The following MAGI2 variants were observed in gnomAD, a reference collection of about 807,000 sequenced individuals.
MAGI2 encodes the protein membrane-associated guanylate kinase, WW and PDZ domain-containing protein 2.
MAGI2 carries 35 observed loss-of-function variants against 133.3 expected under a neutral mutation model. The ratio of observed to expected loss-of-function variants is 0.26; its 90% confidence interval spans 0.20 to 0.35. MAGI2 has a LOEUF of 0.35. Ranked by LOEUF, MAGI2 falls within the 10% of genes least tolerant of loss-of-function variation. The pLI is 1.00. For missense variants in MAGI2, 1,636 were observed against 1,863.4 expected, an observed-to-expected ratio of 0.88 and a Z score of 2.25; for synonymous variants, 729 against 710.6, an observed-to-expected ratio of 1.03 and a Z score of -0.41.
chr7:78,418,855 G>A (rs1798538791), intron 6 of MAGI2, among the ~76,000 whole-genome samples: 1 of 152,122 alleles, frequency 6.6e-6, no homozygotes, highest in Non-Finnish European at 1.5e-5. Flanking sequence ...AATGAAGGTA[G>A]TAGTAATAGT....
At chr7:79,154,884 GCAA>G (rs1562946538) in intron 1 of MAGI2, among the ~76,000 whole-genome samples, 1 of 152,112 alleles carries the variant, frequency 6.6e-6, no homozygotes, top group African/African-American at 2.4e-5. Flanking sequence ...AAACAAAACA[GCAA>G]CAACAACAAA....
At chr7:78,667,368 CTTTT>C (rs1204111914) in intron 2 of MAGI2, among the ~76,000 whole-genome samples, 8 of 142,368 alleles carry the variant, frequency 5.6e-5, no homozygotes, top group African/African-American at 1.5e-4. Flanking sequence ...TTTTGAGATT[CTTTT>C]TTTTTTAATT....
intron 2 of MAGI2, among the ~76,000 whole-genome samples, chr7:78,728,188 G>A (rs1370554181): frequency 1.3e-5 from 2 of 152,142 alleles, no homozygotes; most frequent in Non-Finnish European, 2.9e-5. Context: ...CGAGGTTATG[G>A]TAACAGTGGG....
chr7:79,041,914 A>C (rs1012130596), intron 1 of MAGI2, among the ~76,000 whole-genome samples: 7 of 152,262 alleles, frequency 4.6e-5, no homozygotes, highest in Admixed American at 4.6e-4. Context: ...AGAAAAACAC[A>C]TGGAAGAAGA....
intron 2 of MAGI2, among the ~76,000 whole-genome samples, chr7:78,966,685 C>G (rs1020083035): frequency 6.6e-6 from 1 of 152,030 alleles, no homozygotes; most frequent in African/African-American, 2.4e-5. Flanking sequence ...TTTTGGATAA[C>G]ACCCAGAAGT....
At chr7:78,416,960 C>T (rs6947591) in intron 6 of MAGI2, among the ~76,000 whole-genome samples, 87,500 of 151,936 alleles carry the variant, frequency 0.58, 25,490 homozygotes, top group East Asian at 0.71. Context: ...GCTTAAAAAC[C>T]ACATAGTCTG....
intron 2 of MAGI2, among the ~76,000 whole-genome samples, chr7:78,790,395 T>C (rs1827156229): frequency 6.6e-6 from 1 of 152,114 alleles, no homozygotes; most frequent in Admixed American, 6.5e-5. Context: ...TGAAAGAAGA[T>C]TTCTGTTGAA....
At chr7:79,123,819 C>T (rs992660004) in intron 1 of MAGI2, among the ~76,000 whole-genome samples, 7 of 149,544 alleles carry the variant, frequency 4.7e-5, no homozygotes, top group Non-Finnish European at 7.4e-5. Context: ...AGATAACGCA[C>T]ATCAAGTGCT....
At chr7:78,320,424 A>G (rs1213230777) in intron 9 of MAGI2, among the ~76,000 whole-genome samples, 1 of 152,182 alleles carries the variant, frequency 6.6e-6, no homozygotes, top group Non-Finnish European at 1.5e-5. Context: ...CTTATCCACC[A>G]TGATTAAGTC....
intron 1 of MAGI2, among the ~76,000 whole-genome samples, chr7:79,257,182 T>C (rs1563052705): frequency 1.3e-5 from 2 of 152,100 alleles, no homozygotes; most frequent in South Asian, 2.1e-4. Context: ...ATAATAATAG[T>C]CCCTTGCATT....
At chr7:78,631,476 C>G (rs1227966127) in intron 2 of MAGI2, among the ~76,000 whole-genome samples, 1 of 152,118 alleles carries the variant, frequency 6.6e-6, no homozygotes, top group East Asian at 1.9e-4. Flanking sequence ...CCAGGCTGAT[C>G]ACATTTCCTC....
chr7:78,849,860 C>G (rs1181686250), intron 2 of MAGI2, among the ~76,000 whole-genome samples: 1 of 151,790 alleles, frequency 6.6e-6, no homozygotes, highest in Admixed American at 6.6e-5. Context: ...AAAATTCTAC[C>G]TAAGTAAATT....
rs1554394140 is a variant in MAGI2, at chr7:79,171,743, A to AT, written c.302-164538_302-164537insA. Among the ~76,000 whole-genome samples, 51 of 29,574 alleles carry AT rather than the reference A, an allele frequency of 1.7e-3. 16 individuals carry two copies. Among genetic ancestry groups the AT allele is most frequent in the Non-Finnish European group, 3.0e-3 (24 of 7,936 alleles). 19.4% of individuals were successfully genotyped at this position (29,574 alleles called of 152,430 possible). A position where few individuals can be genotyped will look rare whatever the true frequency, so the allele number is the denominator to read the frequency against. On this transcript the variant is annotated intron_variant, in intron 1 of 21. Transcript: ENST00000354212. The stretch of plus-strand genomic sequence containing the variant: ...AAAATTAAGCAAGACAATAGCCAAA[A>AT]ATATATATATATATATATATATATA...
chr7:78,653,046 A>T (rs1811746536), intron 2 of MAGI2, among the ~76,000 whole-genome samples: 4 of 152,192 alleles, frequency 2.6e-5, no homozygotes. Flanking sequence ...GCTCATCATC[A>T]CTGGTCATCA....
chr7:78,703,111 A>G (rs980454161), intron 2 of MAGI2, among the ~76,000 whole-genome samples: 8 of 152,040 alleles, frequency 5.3e-5, no homozygotes, highest in African/African-American at 1.9e-4. Context: ...AAGTGACATC[A>G]TAGAAGTCAG....
chr7:78,418,795 C>T lies in MAGI2; in HGVS notation c.1046-49582G>A, dbSNP rs542381801. Among the ~76,000 whole-genome samples, 14 of 152,086 alleles carry T rather than the reference C, an allele frequency of 9.2e-5. No homozygotes were observed. In the South Asian group the frequency reaches 2.9e-3, roughly 32 times the overall value. ...AATGCTGTAGGGGGTTAATGAGATG[C>T]TATATGGAATGTGCTTAACATAAAG... On this transcript the variant is annotated intron_variant, in intron 6 of 21. Transcript: ENST00000354212.
intron 3 of MAGI2, among the ~76,000 whole-genome samples, chr7:78,625,973 T>C (rs1808299764): frequency 6.6e-6 from 1 of 152,186 alleles, no homozygotes; most frequent in South Asian, 2.1e-4. Context: ...CCTAACCATG[T>C]GTTTCTCAGA....
In MAGI2 at chr7:78,882,077, CAACAACAACAAAAAAAA is replaced by C. The variant is rs1438289523; in HGVS notation, c.418+124996_418+125012del. On this transcript the variant is annotated intron_variant, in intron 2 of 21. Coordinates refer to ENST00000354212, the MANE Select transcript of MAGI2 (RefSeq NM_012301.4). ...AGACCTCTAGCTAGATTAACAACAA[CAACAACAACAAAAAAAA>C]AAAAAAAAAAAAAAGAAAAGAAAAA... Among the ~76,000 whole-genome samples the C allele has an allele frequency of 9.9e-4, 16 of 16,210 alleles. No homozygotes were observed. In the South Asian group the frequency reaches 0.044, roughly 45 times the overall value. The allele number at this position is 16,210 out of a possible 152,430, so 10.6% of individuals were successfully genotyped here. A position where few individuals can be genotyped will look rare whatever the true frequency, so the allele number is the denominator to read the frequency against.
intron 2 of MAGI2, among the ~76,000 whole-genome samples, chr7:78,715,315 G>T (rs1206667424): frequency 6.6e-6 from 1 of 152,126 alleles, no homozygotes; most frequent in East Asian, 1.9e-4. Flanking sequence ...CATTGTCCTG[G>T]AAGTTTAAGA....
Sources: gnomAD v4.1 joint callset for allele counts (sites outside exome capture counted in the v4.1 genomes callset) on GRCh38, gnomAD v4.1.1 for gene constraint, MANE v1.5 for transcripts, NCBI Gene and HGNC (gene_info 2026-07-23, HGNC 2026-07-21) for gene names.